VKORC1: variants seen among roughly 807,000 people sequenced by gnomAD.
VKORC1 encodes vitamin K epoxide reductase complex subunit 1.
A neutral mutation model predicts 14.8 loss-of-function variants in VKORC1; 12 were observed. The ratio of observed to expected loss-of-function variants is 0.81; its 90% CI spans 0.52 to 1.31. VKORC1 has a LOEUF of 1.31. VKORC1 is among the 50% of genes most tolerant of loss of function. VKORC1 has a pLI of 0.00. For synonymous variants in VKORC1, 94 were observed against 92.5 expected (o/e 1.02, Z -0.09); for missense variants, 223 against 215.3 (o/e 1.04, Z -0.22).
chr16:31,092,738 A>G (rs1056293154), intron 2 of VKORC1: 1 of 1,276,428 alleles, frequency 7.8e-7, no homozygotes, highest in Non-Finnish European at 1.0e-6. Flanking sequence ...GAATTTCGGC[A>G]TCTTTTCCAC....
intron 1 of VKORC1, chr16:31,093,699 CTTTTTTTTTTTT>C (rs71151446): frequency 1.6e-4 from 11 of 68,096 alleles, no homozygotes; most frequent in East Asian, 1.1e-3. Context: ...AAGTAAGTCT[CTTTTTTTTTTTT>C]TTTTTTTTTT....
In VKORC1 at chr16:31,094,774, C is replaced by A. The variant is rs759852599; in HGVS notation, c.-45G>T. The A allele has an allele frequency of 5.1e-6, 8 of 1,560,588 alleles. No homozygotes were observed. The South Asian group carries it at 8.1e-5, about 16-fold the overall frequency. On this transcript the variant is annotated 5_prime_UTR_variant, in exon 1 of 3. Transcript: ENST00000394975. ...AGGCGCCCGCGGAGAAAACCAGCCA[C>A]GGAGCAGGGGCCGGGCGGCGAATGG...
Position 31,093,351 on chromosome 16 carries a change from T to C in VKORC1, c.244A>G (p.Ile82Val), listed in dbSNP as rs781032482. The C allele has an allele frequency of 4.3e-6, 7 of 1,614,114 alleles. No individual in the cohort carries two copies. The Admixed American group carries it at 6.7e-5, about 15-fold the overall frequency. ...QDSILNQSNS[I>V]FGCIFYTLQL... is the part of the protein sequence containing the mutation. Reference sequence around the variant, plus strand: ...AGTGTGTAGAAGATGCAACCGAATATGCTGTTGGATTGATTGAGGATGCTG... The same window carrying C: ...AGTGTGTAGAAGATGCAACCGAATACGCTGTTGGATTGATTGAGGATGCTG... Residue 82 changes from isoleucine (I) to valine (V), a missense_variant, in exon 2 of 3, where the codon ATA (isoleucine) becomes GTA (valine). Physicochemically the swap from Ile to Val is conservative, Grantham distance 29. Coordinates refer to ENST00000394975, the MANE Select transcript of VKORC1 (RefSeq NM_024006.6).
Position 31,090,926 on chromosome 16 carries a change from C to A in VKORC1, c.*208G>T. On this transcript the variant is annotated 3_prime_UTR_variant, in exon 3 of 3. Transcript: ENST00000394975. The stretch of plus-strand genomic sequence containing the variant: ...AATGGAAAGAGCTTTGGAGACCAGC[C>A]CATGGGGACAGAGTCAGAGGCACTG... 1.3e-6 allele frequency: 1 copy of A among 755,082 alleles called. No homozygotes were observed. The highest frequency in any genetic ancestry group is 2.1e-6 in the Non-Finnish European group (1 of 476,510). 46.8% of individuals were successfully genotyped at this position (755,082 alleles called of 1,614,324 possible).
At chr16:31,092,634 T>TC in intron 2 of VKORC1, 4 of 1,145,220 alleles carry the variant, frequency 3.5e-6, no homozygotes, top group Non-Finnish European at 4.4e-6. Flanking sequence ...CTCCCTTGGT[T>TC]CCTCTCTCTG....
At chr16:31,093,699 C>CCTT (rs2057306064) in intron 1 of VKORC1, 1 of 66,022 alleles carries the variant, frequency 1.5e-5, no homozygotes, top group African/African-American at 7.4e-5. Flanking sequence ...AAGTAAGTCT[C>CCTT]TTTTTTTTTT....
At position 31,091,240 on chromosome 16, in the gene VKORC1, T is replaced by G; in HGVS notation, c.386A>C (p.Tyr129Ser). ...GGTGATACAAACAATGCAGAAATCATAGAGCACGAAGAACAGGATCCAGGC... is the reference window on the plus strand; with the variant it reads ...GGTGATACAAACAATGCAGAAATCAGAGAGCACGAAGAACAGGATCCAGGC... The part of the protein sequence containing the change: ...YLAWILFFVL[Y>S]DFCIVCITTY... The change falls in exon 3 of 3, where the codon TAT (tyrosine) becomes TCT (serine). Residue 129 changes from tyrosine (Y) to serine (S), a missense_variant. Physicochemically the swap from Tyr to Ser is moderately radical, Grantham distance 144. Coordinates refer to ENST00000394975, the MANE Select transcript of VKORC1 (RefSeq NM_024006.6). The G allele has an allele frequency of 1.2e-6, 2 of 1,614,092 alleles. No individual in the cohort carries two copies. Among genetic ancestry groups the G allele is most frequent in the Non-Finnish European group, 1.7e-6 (2 of 1,180,036 alleles).
intron 2 of VKORC1, among the ~76,000 whole-genome samples, chr16:31,092,171 T>C (rs533698322): frequency 3.1e-5 from 3 of 96,262 alleles, no homozygotes; most frequent in African/African-American, 1.4e-4. Context: ...AGCGAGACTA[T>C]GTCGCAAAAA....
chr16:31,090,919 G>C lies in VKORC1; in HGVS notation c.*215C>G. 1 of 714,932 alleles carries C rather than the reference G, an allele frequency of 1.4e-6. No homozygotes were observed. Among genetic ancestry groups the C allele is most frequent in the Non-Finnish European group, 2.3e-6 (1 of 444,140 alleles). The allele number at this position is 714,932 out of a possible 1,614,324, so 44.3% of individuals were successfully genotyped here. On this transcript the variant is annotated 3_prime_UTR_variant, in exon 3 of 3. Coordinates refer to ENST00000394975, the MANE Select transcript of VKORC1 (RefSeq NM_024006.6). Reference sequence around the variant, plus strand: ...CCTGGGCAATGGAAAGAGCTTTGGAGACCAGCCCATGGGGACAGAGTCAGA... The same window carrying C: ...CCTGGGCAATGGAAAGAGCTTTGGACACCAGCCCATGGGGACAGAGTCAGA...
At position 31,090,960 on chromosome 16, in the gene VKORC1, A is replaced by C; in HGVS notation, c.*174T>G. On this transcript the variant is annotated 3_prime_UTR_variant, in exon 3 of 3. Transcript: ENST00000394975. ...CAGAGTCAGAGGCACTGGGTGTAAA[A>C]AAGAGCGAGCGTGTGGCACATTTGG... 9.1e-7 allele frequency: 1 copy of C among 1,096,024 alleles called. No individual in the cohort carries two copies. The highest frequency in any genetic ancestry group is 1.3e-6 in the Non-Finnish European group (1 of 771,142). 67.9% of individuals were successfully genotyped at this position (1,096,024 alleles called of 1,614,324 possible).
At chr16:31,094,325 C>T (rs775970419) in intron 1 of VKORC1, 35 of 1,612,818 alleles carry the variant, frequency 2.2e-5, no homozygotes, top group Non-Finnish European at 2.9e-5. Context: ...GCATCCAATT[C>T]ACGTGCGAGT....
intron 2 of VKORC1, chr16:31,093,014 G>T: frequency 2.2e-6 from 1 of 452,722 alleles, no homozygotes; most frequent in Non-Finnish European, 4.1e-6. Flanking sequence ...GCACACTAAG[G>T]GCATCCTAGA....
At chr16:31,094,197 T>A (rs774464495) in intron 1 of VKORC1, 1 of 1,592,086 alleles carries the variant, frequency 6.3e-7, no homozygotes, top group Non-Finnish European at 8.6e-7. Flanking sequence ...CGGGCCACCT[T>A]GTTCCTGGGC....
In VKORC1 at chr16:31,093,301, G is replaced by A. The variant is rs1248464699; in HGVS notation, c.283+11C>T. The stretch of plus-strand genomic sequence containing the variant: ...GGGCGGGGCGGGCAGGGAGGGGGCG[G>A]AGCCACTCACCTAACAATAGCTGTA... On this transcript the variant is annotated intron_variant, in intron 2 of 2. Transcript: ENST00000394975. The A allele has an allele frequency of 1.2e-6, 2 of 1,611,640 alleles. No homozygotes were observed. The highest frequency in any genetic ancestry group is 2.2e-5 in the East Asian group (1 of 44,858).
chr16:31,094,356 CCA>C (rs1181621264), intron 1 of VKORC1, 199 bp downstream of exon 1: 1 of 1,612,828 alleles, frequency 6.2e-7, no homozygotes, highest in Non-Finnish European at 8.5e-7. Flanking sequence ...ATCCCAGTCC[CCA>C]GCACTGTCTG....
intron 2 of VKORC1, among the ~76,000 whole-genome samples, chr16:31,091,876 G>T (rs527881493): frequency 6.6e-6 from 1 of 151,452 alleles, no homozygotes; most frequent in African/African-American, 2.4e-5. Flanking sequence ...GCAAGAGCAA[G>T]ACTTCGTCTC....
intron 1 of VKORC1, chr16:31,094,176 C>A: frequency 6.4e-7 from 1 of 1,573,738 alleles, no homozygotes. Flanking sequence ...GGCCATCACG[C>A]ACAGCCAGAC....
intron 1 of VKORC1, chr16:31,093,686 C>CT: frequency 3.6e-6 from 1 of 275,986 alleles, no homozygotes; most frequent in South Asian, 5.0e-5. Flanking sequence ...CATCTTAGAC[C>CT]TTAAGTAAGT....
At chr16:31,092,923 T>A in intron 2 of VKORC1, 1 of 475,728 alleles carries the variant, frequency 2.1e-6, no homozygotes, top group Non-Finnish European at 3.5e-6. Flanking sequence ...ACGCCTGTGA[T>A]TCCAGCTGCT....
Sources: gnomAD v4.1 joint callset for allele counts (sites outside exome capture counted in the v4.1 genomes callset) on GRCh38, gnomAD v4.1.1 for gene constraint, MANE v1.5 for transcripts, NCBI Gene and HGNC (gene_info 2026-07-23, HGNC 2026-07-21) for gene names.